Variants in KCNIP4 observed in about 807,000 individuals in gnomAD.
The protein encoded by KCNIP4 is potassium voltage-gated channel interacting protein 4.
Under a neutral mutation model 34.0 loss-of-function variants are expected in KCNIP4, and 12 were observed. That is an observed-to-expected ratio of 0.35 (90% CI 0.23 to 0.57). The LOEUF is 0.57. KCNIP4 is among the 20% of genes least tolerant of loss of function. The probability of loss-of-function intolerance (pLI) is 0.83; values close to 1 mark genes in which losing one functional copy is unlikely to be tolerated. For synonymous variants in KCNIP4, 124 were observed against 102.2 expected, an observed-to-expected ratio of 1.21 and a Z score of -1.29; for missense variants, 238 against 311.7, an observed-to-expected ratio of 0.76 and a Z score of 1.78.
intron 1 of KCNIP4, among the ~76,000 whole-genome samples, chr4:21,002,586 T>C (rs951892832): frequency 8.5e-5 from 13 of 152,178 alleles, no homozygotes; most frequent in Non-Finnish European, 1.5e-4. Flanking sequence ...TCTGCAGCAA[T>C]GCTGTTCGAA....
intron 1 of KCNIP4, among the ~76,000 whole-genome samples, chr4:21,556,632 C>T (rs1205300383): frequency 6.6e-6 from 1 of 151,968 alleles, no homozygotes; most frequent in Non-Finnish European, 1.5e-5. Flanking sequence ...TTCAAAAATA[C>T]ATCAGAGGCC....
chr4:21,948,673 C>T lies in KCNIP4; in HGVS notation c.-42G>A, dbSNP rs1405122860. ...TGCAGAAGCGAGACTCGAGAGTCCA[C>T]CGGCCAGGGGCGTCTGTCCACGGGT... On this transcript the variant is annotated 5_prime_UTR_variant, in exon 1 of 9. It adds an upstream start codon to the 5' untranslated region. Coordinates refer to ENST00000382152, the MANE Select transcript of KCNIP4 (RefSeq NM_025221.6). 7.5e-6 allele frequency: 12 copies of T among 1,599,328 alleles called. No individual in the cohort carries two copies. The highest frequency in any genetic ancestry group is 1.0e-5 in the Non-Finnish European group (12 of 1,172,224).
chr4:21,520,865 T>G (rs1040116736), intron 1 of KCNIP4, among the ~76,000 whole-genome samples: 1 of 152,174 alleles, frequency 6.6e-6, no homozygotes, highest in Non-Finnish European at 1.5e-5. Flanking sequence ...GGGTTGACTT[T>G]TATGTGGGGA....
At chr4:21,106,628 G>T (rs1208598696) in intron 1 of KCNIP4, among the ~76,000 whole-genome samples, 2 of 151,354 alleles carry the variant, frequency 1.3e-5, no homozygotes, top group African/African-American at 4.9e-5. Flanking sequence ...GTTATTTCCT[G>T]CCTTCTGCTA....
intron 1 of KCNIP4, among the ~76,000 whole-genome samples, chr4:21,093,658 T>C (rs947685150): frequency 2.6e-5 from 4 of 152,174 alleles, no homozygotes; most frequent in Non-Finnish European, 2.9e-5. Context: ...AGATACTATA[T>C]GGGCTAATGA....
At chr4:21,933,529 C>T (rs571470127) in intron 1 of KCNIP4, among the ~76,000 whole-genome samples, 1 of 152,206 alleles carries the variant, frequency 6.6e-6, no homozygotes, top group South Asian at 2.1e-4. Context: ...CCTATAGCCT[C>T]CTGTGCTTGC....
At chr4:21,252,681 C>G (rs1383574307) in intron 1 of KCNIP4, among the ~76,000 whole-genome samples, 1 of 151,596 alleles carries the variant, frequency 6.6e-6, no homozygotes, top group Non-Finnish European at 1.5e-5. Flanking sequence ...GTCATCATGA[C>G]CCTGATAGAA....
At chr4:21,469,091 G>T (rs937786795) in intron 1 of KCNIP4, among the ~76,000 whole-genome samples, 2 of 151,712 alleles carry the variant, frequency 1.3e-5, no homozygotes, top group South Asian at 2.1e-4. Flanking sequence ...TTGAGACAGG[G>T]TCTCACTCTG....
chr4:21,704,318 T>C (rs1183693923), intron 1 of KCNIP4, among the ~76,000 whole-genome samples: 2 of 152,132 alleles, frequency 1.3e-5, no homozygotes, highest in Non-Finnish European at 2.9e-5. Context: ...TCAATTAGTA[T>C]ATATTCCAAA....
intron 1 of KCNIP4, among the ~76,000 whole-genome samples, chr4:21,104,637 A>G (rs1263734540): frequency 1.3e-5 from 2 of 151,884 alleles, no homozygotes; most frequent in East Asian, 1.9e-4. Context: ...TGTTGCCATT[A>G]CTTTTGGTGT....
At chr4:21,420,436 C>A (rs1000972524) in intron 1 of KCNIP4, among the ~76,000 whole-genome samples, 5 of 152,160 alleles carry the variant, frequency 3.3e-5, no homozygotes, top group Non-Finnish European at 4.4e-5. Context: ...TTGTCCACAG[C>A]AGTCAGTACG....
At chr4:21,435,052 C>T (rs528663358) in intron 1 of KCNIP4, among the ~76,000 whole-genome samples, 1 of 152,086 alleles carries the variant, frequency 6.6e-6, no homozygotes, top group Non-Finnish European at 1.5e-5. Context: ...AACATATGCA[C>T]TGAAATTCTA....
chr4:20,788,779 G>C (rs554180995), intron 3 of KCNIP4, among the ~76,000 whole-genome samples: 3 of 152,052 alleles, frequency 2.0e-5, no homozygotes, highest in African/African-American at 4.8e-5. Flanking sequence ...GTATGTAGTT[G>C]GTGAATTCAG....
intron 3 of KCNIP4, among the ~76,000 whole-genome samples, chr4:20,839,516 G>A (rs1341362501): frequency 6.8e-6 from 1 of 147,310 alleles, no homozygotes; most frequent in Non-Finnish European, 1.5e-5. Flanking sequence ...ATATAGATAG[G>A]TTATTTTTCA....
At chr4:21,530,713 AATAAGT>A (rs530053465) in intron 1 of KCNIP4, among the ~76,000 whole-genome samples, 2 of 152,260 alleles carry the variant, frequency 1.3e-5, no homozygotes, top group Middle Eastern at 6.8e-3. Flanking sequence ...ACCACAATAA[AATAAGT>A]ATATTAATTT....
intron 1 of KCNIP4, among the ~76,000 whole-genome samples, chr4:21,678,439 C>T (rs976431607): frequency 1.3e-5 from 2 of 151,410 alleles, no homozygotes; most frequent in African/African-American, 4.9e-5. Context: ...TGCTCTACAA[C>T]TTAATTGTAA....
At chr4:21,073,233 G>A (rs562831356) in intron 1 of KCNIP4, among the ~76,000 whole-genome samples, 1 of 151,980 alleles carries the variant, frequency 6.6e-6, no homozygotes, top group African/African-American at 2.4e-5. Context: ...AAATTACCTT[G>A]GGCAGTATGG....
intron 1 of KCNIP4, among the ~76,000 whole-genome samples, chr4:21,495,577 T>C (rs1732782599): frequency 6.6e-6 from 1 of 151,808 alleles, no homozygotes; most frequent in African/African-American, 2.4e-5. Context: ...ACAGTGATTG[T>C]TAAACACTTA....
chr4:21,063,017 C>A (rs1474714181), intron 1 of KCNIP4, among the ~76,000 whole-genome samples: 1 of 152,080 alleles, frequency 6.6e-6, no homozygotes, highest in Non-Finnish European at 1.5e-5. Flanking sequence ...TAAAATTAAT[C>A]ATCAAAACTG....
Sources: gnomAD v4.1 joint callset for allele counts (sites outside exome capture counted in the v4.1 genomes callset) on GRCh38, gnomAD v4.1.1 for gene constraint, MANE v1.5 for transcripts, NCBI Gene and HGNC (gene_info 2026-07-23, HGNC 2026-07-21) for gene names.